CNDP1: variants seen among roughly 807,000 people sequenced by gnomAD.
The protein encoded by CNDP1 is carnosine dipeptidase 1.
CNDP1 carries 44 observed loss-of-function variants against 58.1 expected under a neutral mutation model. The observed-to-expected ratio is 0.76, with a 90% CI of 0.60 to 0.97. The LOEUF is 0.97. CNDP1 is among the 50% of genes least tolerant of loss of function. The pLI is 0.00. For synonymous variants in CNDP1, 254 were observed against 252.6 expected (o/e 1.01, Z -0.05); for missense variants, 616 against 655.1 (o/e 0.94, Z 0.65).
At chr18:74,546,928 G>C (rs537756916) in intron 1 of CNDP1, among the ~76,000 whole-genome samples, 2 of 152,218 alleles carry the variant, frequency 1.3e-5, no homozygotes, top group Non-Finnish European at 1.5e-5. Flanking sequence ...AGGTTAGGCT[G>C]GACTAGAGGA....
At chr18:74,568,600 C>A (rs1181505010) in intron 6 of CNDP1, among the ~76,000 whole-genome samples, 2 of 152,094 alleles carry the variant, frequency 1.3e-5, no homozygotes, top group Non-Finnish European at 2.9e-5. Context: ...AGGGGGCGAG[C>A]TCCAGACCCA....
chr18:74,544,212 A>G (rs1202740638), intron 1 of CNDP1, among the ~76,000 whole-genome samples: 3 of 151,942 alleles, frequency 2.0e-5, no homozygotes, highest in African/African-American at 7.3e-5. Context: ...TGATTATGCC[A>G]CTACACTCCA....
chr18:74,548,575 G>C (rs538745420), intron 1 of CNDP1, among the ~76,000 whole-genome samples: 1 of 152,312 alleles, frequency 6.6e-6, no homozygotes, highest in African/African-American at 2.4e-5. Flanking sequence ...GCCTAACACA[G>C]AAAAGTGGTA....
intron 10 of CNDP1, among the ~76,000 whole-genome samples, chr18:74,582,388 C>G (rs904928113): frequency 6.6e-6 from 1 of 152,212 alleles, no homozygotes; most frequent in Non-Finnish European, 1.5e-5. Flanking sequence ...GAACTCATCT[C>G]TTTCTAAAAC....
At chr18:74,564,176 A>G (rs748674097) in intron 5 of CNDP1, among the ~76,000 whole-genome samples, 6 of 152,176 alleles carry the variant, frequency 3.9e-5, no homozygotes, top group Non-Finnish European at 8.8e-5. Context: ...AGTCAAGCCC[A>G]CTTATTAGAA....
At chr18:74,556,535 C>A (rs896490723) in intron 2 of CNDP1, 69 bp downstream of exon 2, 2 of 1,576,626 alleles carry the variant, frequency 1.3e-6, no homozygotes, top group African/African-American at 1.4e-5. Flanking sequence ...TTGGGTGAGA[C>A]AATTATTTGC....
chr18:74,556,314 T>A, intron 1 of CNDP1, 24 bp from the exon 2 acceptor site: 1 of 1,603,950 alleles, frequency 6.2e-7, no homozygotes, highest in Non-Finnish European at 8.5e-7. Flanking sequence ...TTTCATTCGT[T>A]CCTCCCATGT....
At chr18:74,534,796 G>A (rs751719885) in intron 1 of CNDP1, 105 bp downstream of exon 1, 78 of 1,296,706 alleles carry the variant, frequency 6.0e-5, no homozygotes, top group Non-Finnish European at 7.7e-5. Flanking sequence ...GGCACCCAGC[G>A]TGGCCCCAGA....
intron 1 of CNDP1, among the ~76,000 whole-genome samples, chr18:74,551,816 A>G (rs1980916896): frequency 6.6e-6 from 1 of 151,960 alleles, no homozygotes; most frequent in Non-Finnish European, 1.5e-5. Flanking sequence ...TTTTCACTGT[A>G]GAGGAACACC....
chr18:74,580,257 G>C lies in CNDP1; in HGVS notation c.1295G>C (p.Arg432Thr). The change falls in exon 10 of 12, where the codon AGA becomes ACA. Residue 432 changes from arginine to threonine, a missense_variant. Coordinates refer to ENST00000358821, the MANE Select transcript of CNDP1 (RefSeq NM_032649.6). Reference protein sequence around the residue: ...IDDTQYLAAKRAIRTVFGTEP... With the variant: ...IDDTQYLAAKTAIRTVFGTEP... ...GACACCCAGTATCTCGCAGCAAAAA[G>C]AGCGATCAGAACAGGTGGGACCTTA... is the stretch of plus-strand genomic sequence containing the variant. 2.5e-6 allele frequency: 4 copies of C among 1,614,158 alleles called. No individual in the cohort carries two copies. Among genetic ancestry groups the C allele is most frequent in the Non-Finnish European group, 2.5e-6 (3 of 1,180,004 alleles).
chr18:74,581,986 A>C (rs989436979), intron 10 of CNDP1, among the ~76,000 whole-genome samples: 6 of 152,256 alleles, frequency 3.9e-5, no homozygotes, highest in African/African-American at 1.4e-4. Context: ...TATCAGTACA[A>C]GGGACACAGA....
chr18:74,583,822 C>A, intron 11 of CNDP1, 114 bp downstream of exon 11: 1 of 1,055,332 alleles, frequency 9.5e-7, no homozygotes, highest in Non-Finnish European at 1.4e-6. Context: ...ATCGTCCAGA[C>A]TGGGAGCTTA....
At position 74,559,314 on chromosome 18, in the gene CNDP1, T is replaced by G; in HGVS notation, c.154-9T>G. ...CCAATGCTAATGGCCTGCTTGCTCT[T>G]CCTCCTAGACGCTGAAGGAGTGGGT... On this transcript the variant is annotated splice_polypyrimidine_tract_variant and intron_variant, in intron 2 of 11. Coordinates refer to ENST00000358821, the MANE Select transcript of CNDP1 (RefSeq NM_032649.6). 1 of 1,613,958 alleles carries G rather than the reference T, an allele frequency of 6.2e-7. No homozygotes were observed. Among genetic ancestry groups the G allele is most frequent in the South Asian group, 1.1e-5 (1 of 91,066 alleles).
At chr18:74,554,669 C>T (rs141216863) in intron 1 of CNDP1, among the ~76,000 whole-genome samples, 387 of 152,212 alleles carry the variant, frequency 2.5e-3, no homozygotes, top group Admixed American at 4.3e-3. Context: ...CTGCATGGTA[C>T]CCCAACAAGG....
chr18:74,546,048 T>A (rs1980750850), intron 1 of CNDP1, among the ~76,000 whole-genome samples: 1 of 152,192 alleles, frequency 6.6e-6, no homozygotes, highest in Admixed American at 6.5e-5. Context: ...AATGTATCGA[T>A]TTAACTGTCA....
intron 11 of CNDP1, chr18:74,584,139 T>C: frequency 3.1e-6 from 1 of 322,790 alleles, no homozygotes; most frequent in Non-Finnish European, 5.8e-6. Flanking sequence ...CAAAAAAGGC[T>C]ATTAGGAATG....
intron 10 of CNDP1, among the ~76,000 whole-genome samples, chr18:74,581,718 C>T (rs754472260): frequency 1.7e-4 from 26 of 152,154 alleles, no homozygotes; most frequent in Admixed American, 7.2e-4. Context: ...CTGGCTGTGG[C>T]GTCAGGGAGC....
At chr18:74,561,743 C>G in intron 4 of CNDP1, 1 of 245,870 alleles carries the variant, frequency 4.1e-6, no homozygotes, top group South Asian at 6.2e-5. Context: ...TGGGTCTCTC[C>G]GGTGAACTTG....
At chr18:74,579,436 A>G (rs1180747858) in intron 9 of CNDP1, among the ~76,000 whole-genome samples, 1 of 149,632 alleles carries the variant, frequency 6.7e-6, no homozygotes, top group Non-Finnish European at 1.5e-5. Flanking sequence ...TTTTCTCACA[A>G]CATATAAACT....
Sources: allele counts gnomAD v4.1 joint callset (sites outside exome capture counted in the v4.1 genomes callset), GRCh38; gene constraint gnomAD v4.1.1; transcripts MANE v1.5; gene names NCBI Gene and HGNC (gene_info 2026-07-23, HGNC 2026-07-21).